NUP93: variants seen among roughly 807,000 people sequenced by gnomAD.
NUP93 encodes nuclear pore complex protein Nup93.
Under a neutral mutation model 107.8 loss-of-function variants are expected in NUP93, and 55 were observed. The ratio of observed to expected loss-of-function variants is 0.51; its 90% CI spans 0.41 to 0.64. The LOEUF is 0.64. Ranked by LOEUF, NUP93 falls within the 30% of genes least tolerant of loss-of-function variation. NUP93 has a pLI of 0.00. For synonymous variants in NUP93, 390 were observed against 397.5 expected (o/e 0.98, Z 0.22); for missense variants, 937 against 1,044.7 (o/e 0.90, Z 1.42).
At chr16:56,781,268 C>T (rs1243607047) in intron 3 of NUP93, among the ~76,000 whole-genome samples, 1 of 152,070 alleles carries the variant, frequency 6.6e-6, no homozygotes, top group Non-Finnish European at 1.5e-5. Flanking sequence ...ATGCAAATAA[C>T]CTCTGTTCTT....
At chr16:56,795,473 G>T (rs1255073731) in intron 3 of NUP93, among the ~76,000 whole-genome samples, 3 of 152,142 alleles carry the variant, frequency 2.0e-5, no homozygotes, top group South Asian at 2.1e-4. Flanking sequence ...AATGAACCAT[G>T]TGGGTTCCTA....
Position 56,839,014 on chromosome 16 carries a change from A to T in NUP93, c.2081A>T (p.Asp694Val). The T allele has an allele frequency of 1.2e-6, 2 of 1,614,008 alleles. No homozygotes were observed. Among genetic ancestry groups the T allele is most frequent in the Non-Finnish European group, 1.7e-6 (2 of 1,179,976 alleles). ...GACTCCACGTTCTATCTTCTTTTGGACTTGATCACCTTTTTTGACGAGTAT... is the reference window on the plus strand; with the variant it reads ...GACTCCACGTTCTATCTTCTTTTGGTCTTGATCACCTTTTTTGACGAGTAT... ...FVDSTFYLLL[D>V]LITFFDEYHS... The change falls in exon 19 of 22, where the codon GAC (aspartate) becomes GTC (valine). Residue 694 changes from aspartate to valine, a missense_variant. Transcript: ENST00000308159.
At chr16:56,749,984 C>A (rs145497475) in intron 2 of NUP93, among the ~76,000 whole-genome samples, 1 of 152,198 alleles carries the variant, frequency 6.6e-6, no homozygotes, top group African/African-American at 2.4e-5. Context: ...GCAGTTACCC[C>A]CAGTCTTGAG....
chr16:56,829,037 G>A lies in NUP93; in HGVS notation c.855G>A (p.Gly285=), dbSNP rs1766754259. The change falls in exon 9 of 22, where the codon GGG becomes GGA. Residue 285 remains glycine, a synonymous_variant. Transcript: ENST00000308159. The stretch of plus-strand genomic sequence containing the variant: ...ATTTGCATCAGGCCCAGCTGGGCGG[G>A]GTGCCTGGGACTTACCAATTGGTTC... ...FGNLHQAQLG[G]VPGTYQLVRS... is the part of the protein sequence containing the mutation. The A allele has an allele frequency of 6.2e-7, 1 of 1,613,456 alleles. No individual in the cohort carries two copies. Among genetic ancestry groups the A allele is most frequent in the African/African-American group, 1.3e-5 (1 of 74,890 alleles).
At chr16:56,818,054 G>C (rs552601905) in intron 5 of NUP93, among the ~76,000 whole-genome samples, 5 of 152,318 alleles carry the variant, frequency 3.3e-5, no homozygotes, top group Non-Finnish European at 2.9e-5. Context: ...AGGCTGGGTT[G>C]TTTTTGTTCT....
At chr16:56,810,298 A>T (rs1171055837) in intron 5 of NUP93, among the ~76,000 whole-genome samples, 1 of 152,098 alleles carries the variant, frequency 6.6e-6, no homozygotes. Flanking sequence ...TTTTTTCCTG[A>T]TGTATAACGT....
At chr16:56,768,956 G>A (rs187014290) in intron 3 of NUP93, among the ~76,000 whole-genome samples, 20 of 152,110 alleles carry the variant, frequency 1.3e-4, no homozygotes, top group African/African-American at 4.1e-4. Context: ...ATGTTCAGAC[G>A]TGTGCTAAGC....
At chr16:56,741,297 C>A (rs1252060617) in intron 1 of NUP93, among the ~76,000 whole-genome samples, 2 of 152,076 alleles carry the variant, frequency 1.3e-5, no homozygotes, top group African/African-American at 4.8e-5. Context: ...GCTAAAATAG[C>A]ATTTTACAAT....
chr16:56,830,056 T>G (rs1056245889), intron 9 of NUP93, among the ~76,000 whole-genome samples: 1 of 152,234 alleles, frequency 6.6e-6, no homozygotes, highest in Non-Finnish European at 1.5e-5. Flanking sequence ...CAGCAGTACC[T>G]GACACCAAGA....
rs1457079098 is a variant in NUP93, at chr16:56,849,741, G to C, written c.*5132G>C. On this transcript the variant is annotated 3_prime_UTR_variant, in exon 22 of 22. Transcript: ENST00000308159. ...CTATGTGGCTGCCCTACCTGGGCTT[G>C]CCTCTGCTGGTACTAGCTGCCCAGA... The C allele has an allele frequency of 6.6e-6, 1 of 152,252 alleles. No individual in the cohort carries two copies. The highest frequency in any genetic ancestry group is 1.5e-5 in the Non-Finnish European group (1 of 68,054). 9.4% of individuals were successfully genotyped at this position (152,252 alleles called of 1,614,324 possible). A position where few individuals can be genotyped will look rare whatever the true frequency, so the allele number is the denominator to read the frequency against.
At chr16:56,758,747 GT>G in intron 3 of NUP93, 92 bp downstream of exon 3, 1 of 839,286 alleles carries the variant, frequency 1.2e-6, no homozygotes. Flanking sequence ...AGGAATTTCA[GT>G]TTTCTTTGTT....
At chr16:56,819,639 A>G (rs1218483792) in intron 6 of NUP93, among the ~76,000 whole-genome samples, 2 of 152,222 alleles carry the variant, frequency 1.3e-5, no homozygotes, top group Non-Finnish European at 2.9e-5. Flanking sequence ...GGAGGTGAGC[A>G]GGGGACAGTG....
rs1312629552 is a variant in NUP93 at position 56,837,622 on chromosome 16, A to G, written c.1914A>G (p.Val638=). 6.2e-7 allele frequency: 1 copy of G among 1,613,732 alleles called. No individual in the cohort carries two copies. The highest frequency in any genetic ancestry group is 1.3e-5 in the African/African-American group (1 of 74,934). ...LYDLAKNADK[V]LELMNKLLSP... ...AACTTGAGCAGAATGCTGACAAGGT[A>G]CTGGAGCTGATGAACAAACTGCTGA... Residue 638 remains valine, a synonymous_variant, in exon 18 of 22, where the codon GTA becomes GTG. Coordinates refer to ENST00000308159, the MANE Select transcript of NUP93 (RefSeq NM_014669.5).
intron 2 of NUP93, among the ~76,000 whole-genome samples, chr16:56,756,525 T>C (rs767297550): frequency 6.6e-6 from 1 of 152,212 alleles, no homozygotes; most frequent in Non-Finnish European, 1.5e-5. Context: ...TGCTACATTT[T>C]CTTTAACCAG....
intron 8 of NUP93, among the ~76,000 whole-genome samples, chr16:56,828,173 C>G (rs1963706702): frequency 7.3e-6 from 1 of 136,124 alleles, no homozygotes; most frequent in Non-Finnish European, 1.5e-5. Flanking sequence ...AGCCTGGGAA[C>G]CACAACAAGA....
intron 3 of NUP93, among the ~76,000 whole-genome samples, chr16:56,778,150 C>G (rs1052824412): frequency 6.6e-6 from 1 of 152,196 alleles, no homozygotes. Flanking sequence ...CATGGGAATT[C>G]AGAGGCGTGG....
chr16:56,759,186 CA>C lies in NUP93; in HGVS notation c.297+533del, dbSNP rs528224718. ...CAGTCTCATTTAACCAAACATGCCA[CA>C]AGCAATTGATAGCTGTTTTAATCTA... On this transcript the variant is annotated intron_variant, in intron 3 of 21. Coordinates refer to ENST00000308159, the MANE Select transcript of NUP93 (RefSeq NM_014669.5). 7.6e-4 allele frequency among the ~76,000 whole-genome samples: 116 copies of C among 152,282 alleles called. 1 individual carries two copies. The highest frequency in any genetic ancestry group is 1.6e-3 in the Admixed American group (24 of 15,302).
chr16:56,764,626 T>C (rs1477770279), intron 3 of NUP93, among the ~76,000 whole-genome samples: 1 of 152,240 alleles, frequency 6.6e-6, no homozygotes, highest in African/African-American at 2.4e-5. Context: ...AGAGGAAAAG[T>C]AGTTGCTCAC....
Position 56,821,564 on chromosome 16 carries a change from T to C in NUP93, c.625T>C (p.Cys209Arg). The C allele has an allele frequency of 6.2e-7, 1 of 1,613,374 alleles. No homozygotes were observed. The highest frequency in any genetic ancestry group is 8.5e-7 in the Non-Finnish European group (1 of 1,179,390). The change falls in exon 7 of 22, where the codon TGT becomes CGT. Residue 209 changes from cysteine (C) to arginine (R), a missense_variant. Coordinates refer to ENST00000308159, the MANE Select transcript of NUP93 (RefSeq NM_014669.5). ...CCTGCAGCCTAACCTGGTGGACCTT[T>C]GTGCTTCCGTCGCAGAGCTCGATGA... is the stretch of plus-strand genomic sequence containing the variant. ...GHLQPNLVDLCASVAELDDKS... is the reference protein window; with the variant it reads ...GHLQPNLVDLRASVAELDDKS...
Sources: allele counts gnomAD v4.1 joint callset (sites outside exome capture counted in the v4.1 genomes callset), GRCh38; gene constraint gnomAD v4.1.1; transcripts MANE v1.5; gene names NCBI Gene and HGNC (gene_info 2026-07-23, HGNC 2026-07-21).